NEURL1B: variants seen among roughly 807,000 people sequenced by gnomAD.
NEURL1B encodes neuralized E3 ubiquitin protein ligase 1B.
In NEURL1B, 13 loss-of-function variants were observed where a neutral mutation model predicts 37.4. That is an observed-to-expected ratio of 0.35 (90% CI 0.23 to 0.55). The LOEUF is 0.55. Among genes scored for constraint, NEURL1B ranks in the 20% least tolerant of loss-of-function variants. The pLI is 0.89. For synonymous variants in NEURL1B, 432 were observed against 426.6 expected, an observed-to-expected ratio of 1.01 and a Z score of -0.16; for missense variants, 790 against 879.2, an observed-to-expected ratio of 0.90 and a Z score of 1.28.
intron 3 of NEURL1B, among the ~76,000 whole-genome samples, chr5:172,685,691 C>T (rs1050873871): frequency 6.6e-6 from 1 of 152,240 alleles, no homozygotes; most frequent in Non-Finnish European, 1.5e-5. Context: ...CAAAGCTCTG[C>T]TTGCCTCTGT....
chr5:172,667,275 T>TAAAAAAAAAAAAA lies in NEURL1B; in HGVS notation c.32-2501_32-2489dup, dbSNP rs55663413. Among the ~76,000 whole-genome samples the TAAAAAAAAAAAAA allele has an allele frequency of 6.6e-4, 48 of 72,280 alleles. 2 individuals carry two copies. The highest frequency in any genetic ancestry group is 2.3e-3 in the African/African-American group (29 of 12,410). The allele number at this position is 72,280 out of a possible 152,430, so 47.4% of individuals were successfully genotyped here. On this transcript the variant is annotated intron_variant, in intron 1 of 4. Coordinates refer to ENST00000369800, the MANE Select transcript of NEURL1B (RefSeq NM_001142651.3). ...CAACATGGTGAAACCCTGTCTCTAC[T>TAAAAAAAAAAAAA]AAAAAAAAAAAAAAAAAAAAATTAG...
In NEURL1B at chr5:172,641,433, G is replaced by T. The variant is rs1757457284; in HGVS notation, c.27G>T (p.Leu9=). ...TGGGCAACACGGTGCACCGGACCCT[G>T]CCAGGTACGCCGGGGAGCCCTGCCC... The part of the protein sequence containing the change: MGNTVHRT[L]PDPSPPARLL... The change falls in exon 1 of 5, where the codon CTG becomes CTT. Residue 9 remains leucine (L), a synonymous_variant. Coordinates refer to ENST00000369800, the MANE Select transcript of NEURL1B (RefSeq NM_001142651.3). The surrounding 1 kb of genome is among the most constrained non-coding windows in gnomAD (Gnocchi z 6.4). 1 of 1,329,446 alleles carries T rather than the reference G, an allele frequency of 7.5e-7. No homozygotes were observed. The highest frequency in any genetic ancestry group is 1.9e-5 in the South Asian group (1 of 52,596). 82.4% of individuals were successfully genotyped at this position (1,329,446 alleles called of 1,614,324 possible).
chr5:172,686,393 G>A lies in NEURL1B; in HGVS notation c.1423+97G>A, dbSNP rs1758497591. 9.9e-6 allele frequency: 13 copies of A among 1,306,598 alleles called. No homozygotes were observed. The East Asian group carries it at 2.3e-4, about 23-fold the overall frequency. The allele number at this position is 1,306,598 out of a possible 1,614,324, so 80.9% of individuals were successfully genotyped here. ...CTTCCAGGGACTGAGCAGGGTGGCC[G>A]CCTTTCCCCCGCATCCTCTCCTTCC... On this transcript the variant is annotated intron_variant, in intron 4 of 4. Coordinates refer to ENST00000369800, the MANE Select transcript of NEURL1B (RefSeq NM_001142651.3). This position sits in a 1 kb window ranked among gnomAD's most constrained non-coding sequence, Gnocchi z 7.9.
chr5:172,659,122 G>A (rs763044635), intron 1 of NEURL1B, among the ~76,000 whole-genome samples: 8 of 146,472 alleles, frequency 5.5e-5, no homozygotes, highest in Middle Eastern at 3.8e-3. Flanking sequence ...CTACTTATAC[G>A]TAGTCTAGCT....
chr5:172,666,382 A>G (rs2113298073), intron 1 of NEURL1B, among the ~76,000 whole-genome samples: 1 of 152,362 alleles, frequency 6.6e-6, no homozygotes, highest in Non-Finnish European at 1.5e-5. Flanking sequence ...CGAGGATTAA[A>G]TGATGAAATG....
At chr5:172,642,718 C>T (rs913045674) in intron 1 of NEURL1B, among the ~76,000 whole-genome samples, 10 of 152,202 alleles carry the variant, frequency 6.6e-5, no homozygotes, top group African/African-American at 2.2e-4. Flanking sequence ...TGCACTCAAA[C>T]GTTCAAATTC....
chr5:172,654,399 A>G (rs1757724529), intron 1 of NEURL1B, among the ~76,000 whole-genome samples: 1 of 152,148 alleles, frequency 6.6e-6, no homozygotes, highest in Non-Finnish European at 1.5e-5. Flanking sequence ...GGAACCATCT[A>G]TCGTCCAGTC....
At position 172,683,386 on chromosome 5, in the gene NEURL1B, TC is replaced by T; in HGVS notation, c.578-28del. The T allele has an allele frequency of 1.6e-6, 2 of 1,286,578 alleles. No homozygotes were observed. The highest frequency in any genetic ancestry group is 2.0e-6 in the Non-Finnish European group (2 of 1,011,678). The allele number at this position is 1,286,578 out of a possible 1,614,324, so 79.7% of individuals were successfully genotyped here. The stretch of plus-strand genomic sequence containing the variant: ...CGCGACCAGCCTGACGCGCGGCCTC[TC>T]CCCCTCCATGTCCCTCCCTTTGTCC... On this transcript the variant is annotated intron_variant, in intron 2 of 4. Coordinates refer to ENST00000369800, the MANE Select transcript of NEURL1B (RefSeq NM_001142651.3). The surrounding 1 kb of genome is among the most constrained non-coding windows in gnomAD (Gnocchi z 5.6).
At chr5:172,677,677 C>T (rs1242488255) in intron 2 of NEURL1B, among the ~76,000 whole-genome samples, 1 of 152,146 alleles carries the variant, frequency 6.6e-6, no homozygotes, top group Non-Finnish European at 1.5e-5. Flanking sequence ...TCGGCCTTCC[C>T]CCCGTGGCCG....
rs1758423350 is a variant in NEURL1B, at chr5:172,683,902, A to G, written c.1061A>G (p.Glu354Gly). 1.4e-6 allele frequency: 2 copies of G among 1,415,006 alleles called. No individual in the cohort carries two copies. Among genetic ancestry groups the G allele is most frequent in the South Asian group, 1.4e-5 (1 of 73,750 alleles). 87.7% of individuals were successfully genotyped at this position (1,415,006 alleles called of 1,614,324 possible). ...GACCCGGGCGTGCTACGGCCCAACGAGCTGCCCGCCGACCCAGACGCGCTG... is the reference window on the plus strand; with the variant it reads ...GACCCGGGCGTGCTACGGCCCAACGGGCTGCCCGCCGACCCAGACGCGCTG... The part of the protein sequence containing the change: ...SCDPGVLRPN[E>G]LPADPDALLD... Residue 354 changes from glutamate (E) to glycine (G), a missense_variant, in exon 3 of 5, where the codon GAG becomes GGG. By Grantham distance (98) the Glu-to-Gly change is moderately conservative. Around this residue, in one of 3 missense-constraint regions of NEURL1B, gnomAD observed 460 missense variants for 407.4 expected, o/e 1.13. Transcript: ENST00000369800. This position sits in a 1 kb window ranked among gnomAD's most constrained non-coding sequence, Gnocchi z 5.6.
At chr5:172,645,986 T>C (rs1243881765) in intron 1 of NEURL1B, among the ~76,000 whole-genome samples, 4 of 152,242 alleles carry the variant, frequency 2.6e-5, no homozygotes, top group African/African-American at 4.8e-5. Flanking sequence ...GGTGCATTTA[T>C]GTAGTAAGAG....
chr5:172,652,116 T>G (rs1757676737), intron 1 of NEURL1B, among the ~76,000 whole-genome samples: 1 of 152,248 alleles, frequency 6.6e-6, no homozygotes, highest in Admixed American at 6.5e-5. Flanking sequence ...AAGGCTAAGT[T>G]TCTTCCCTGT....
chr5:172,663,639 C>T (rs972803129), intron 1 of NEURL1B, among the ~76,000 whole-genome samples: 5 of 151,540 alleles, frequency 3.3e-5, no homozygotes, highest in African/African-American at 4.8e-5. Context: ...ACAGAAACCG[C>T]ACCTCCCCCA....
At chr5:172,662,873 C>T (rs1004511223) in intron 1 of NEURL1B, among the ~76,000 whole-genome samples, 1 of 152,084 alleles carries the variant, frequency 6.6e-6, no homozygotes, top group African/African-American at 2.4e-5. Flanking sequence ...GTTTCCTTGA[C>T]TAACTGCTGG....
chr5:172,669,746 CGGA>C, intron 1 of NEURL1B, 36 bp from the exon 2 acceptor site: 1 of 1,227,976 alleles, frequency 8.1e-7, no homozygotes, highest in South Asian at 3.4e-5. Context: ...CGCAGGAGTT[CGGA>C]GGAGGCCTAA....
chr5:172,669,937 C>A lies in NEURL1B; in HGVS notation c.184C>A (p.Arg62Ser). Residue 62 changes from arginine (R) to serine (S), a missense_variant, in exon 2 of 5, where the codon CGC becomes AGC. Arg to Ser is a moderately radical substitution (Grantham distance 110, BLOSUM62 -1). This residue lies in a region of NEURL1B where 215 missense variants were observed against 309.2 expected (regional missense o/e 0.70). Coordinates refer to ENST00000369800, the MANE Select transcript of NEURL1B (RefSeq NM_001142651.3). ...LDGHSRRATR[R>S]NSFCNGVTFT... is the part of the protein sequence containing the mutation. ...CGGCCACTCGCGCCGGGCCACACGG[C>A]GCAACAGCTTCTGCAATGGCGTCAC... 1.4e-6 allele frequency: 2 copies of A among 1,458,740 alleles called. No individual in the cohort carries two copies. Among genetic ancestry groups the A allele is most frequent in the East Asian group, 2.8e-5 (1 of 35,374 alleles). 90.4% of individuals were successfully genotyped at this position (1,458,740 alleles called of 1,614,324 possible).
Position 172,683,733 on chromosome 5 carries a change from G to A in NEURL1B, c.892G>A (p.Val298Met), listed in dbSNP as rs760509255. ...PDVSLSADRK[V>M]ACAPRPDGGR... is the part of the protein sequence containing the mutation. ...CGTGAGCCTGTCGGCCGACCGCAAA[G>A]TGGCCTGCGCACCGCGGCCCGACGG... The change falls in exon 3 of 5, where the codon GTG becomes ATG. Residue 298 changes from valine (V) to methionine (M), a missense_variant. By Grantham distance (21) the Val-to-Met change is conservative (BLOSUM62 1). This residue lies in a region of NEURL1B where 460 missense variants were observed against 407.4 expected (regional missense o/e 1.13). Coordinates refer to ENST00000369800, the MANE Select transcript of NEURL1B (RefSeq NM_001142651.3). The surrounding 1 kb of genome is among the most constrained non-coding windows in gnomAD (Gnocchi z 5.6). 5.9e-6 allele frequency: 8 copies of A among 1,356,126 alleles called. No homozygotes were observed. The highest frequency in any genetic ancestry group is 4.4e-5 in the South Asian group (3 of 68,110). The allele number at this position is 1,356,126 out of a possible 1,614,324, so 84.0% of individuals were successfully genotyped here. A position where few individuals can be genotyped will look rare whatever the true frequency, so the allele number is the denominator to read the frequency against.
In NEURL1B at chr5:172,669,988, T is replaced by C. The variant is rs1263129324; in HGVS notation, c.235T>C (p.Tyr79His). 2 of 1,473,254 alleles carry C rather than the reference T, an allele frequency of 1.4e-6. No homozygotes were observed. The highest frequency in any genetic ancestry group is 1.8e-6 in the Non-Finnish European group (2 of 1,118,024). The allele number at this position is 1,473,254 out of a possible 1,614,324, so 91.3% of individuals were successfully genotyped here. A position where few individuals can be genotyped will look rare whatever the true frequency, so the allele number is the denominator to read the frequency against. ...GTTCACGCAGCGGCCCATCCGGCTG[T>C]ACGAGCAGGTGCGGCTGCGCCTGGT... ...VTFTQRPIRL[Y>H]EQVRLRLVAV... Residue 79 changes from tyrosine (Y) to histidine (H), a missense_variant, in exon 2 of 5, where the codon TAC (tyrosine) becomes CAC (histidine). Physicochemically the swap from Tyr to His is moderately conservative, Grantham distance 83. Around this residue, in one of 3 missense-constraint regions of NEURL1B, gnomAD observed 215 missense variants for 309.2 expected, o/e 0.70. Coordinates refer to ENST00000369800, the MANE Select transcript of NEURL1B (RefSeq NM_001142651.3).
At chr5:172,672,159 C>T (rs1581432826) in intron 2 of NEURL1B, among the ~76,000 whole-genome samples, 2 of 152,190 alleles carry the variant, frequency 1.3e-5, no homozygotes, top group South Asian at 4.1e-4. Context: ...GCAAGTGAGC[C>T]GGAGCACATG....
Sources: gnomAD v4.1 joint callset for allele counts (sites outside exome capture counted in the v4.1 genomes callset) on GRCh38, gnomAD v4.1.1 for gene constraint, gnomAD v4.1.1 regional missense constraint, Gnocchi (gnomAD v3.1) non-coding constraint, MANE v1.5 for transcripts, NCBI Gene and HGNC (gene_info 2026-07-23, HGNC 2026-07-21) for gene names.